The following NAALADL2 variants were observed in gnomAD, a reference collection of about 807,000 sequenced individuals.
The protein encoded by NAALADL2 is inactive N-acetylated-alpha-linked acidic dipeptidase-like protein 2.
In NAALADL2, 76 loss-of-function variants were observed where a neutral mutation model predicts 87.2. The ratio of observed to expected loss-of-function variants is 0.87; its 90% confidence interval spans 0.72 to 1.05. NAALADL2 has a LOEUF of 1.05. NAALADL2 is among the 50% of genes least tolerant of loss of function. The pLI, the probability that NAALADL2 is intolerant of heterozygous loss-of-function variation, is 0.00. For synonymous variants in NAALADL2, 354 were observed against 331.0 expected (o/e 1.07, Z -0.75); for missense variants, 1,089 against 945.8 (o/e 1.15, Z -1.99).
intron 5 of NAALADL2, among the ~76,000 whole-genome samples, chr3:175,431,315 A>T (rs1404510641): frequency 1.3e-5 from 2 of 152,104 alleles, no homozygotes; most frequent in Admixed American, 1.3e-4. Flanking sequence ...TTAAAAAAGC[A>T]GTAGCAGGAC....
At chr3:174,996,282 G>A (rs1210214254) in intron 1 of NAALADL2, among the ~76,000 whole-genome samples, 1 of 152,106 alleles carries the variant, frequency 6.6e-6, no homozygotes, top group Non-Finnish European at 1.5e-5. Context: ...CAGATCACGA[G>A]GTCAGGAGAT....
Position 175,447,274 on chromosome 3 carries a change from T to C in NAALADL2, c.1136T>C (p.Val379Ala), listed in dbSNP as rs1484997369. 5 of 1,607,240 alleles carry C rather than the reference T, an allele frequency of 3.1e-6. No homozygotes were observed. Among genetic ancestry groups the C allele is most frequent in the Admixed American group, 1.7e-5 (1 of 58,996 alleles). The change falls in exon 6 of 14, where the codon GTG becomes GCG. Residue 379 changes from valine to alanine, a missense_variant. By Grantham distance (64) the Val-to-Ala change is moderately conservative. Transcript: ENST00000454872. Reference sequence around the variant, plus strand: ...CGATCAAACCTCACCTCTCTATTAGTGCAGCCCATCTCTGCACCCCTCGTT... The same window carrying C: ...CGATCAAACCTCACCTCTCTATTAGCGCAGCCCATCTCTGCACCCCTCGTT... ...QSRSNLTSLL[V>A]QPISAPLVAK... is the part of the protein sequence containing the mutation.
At chr3:174,828,378 T>C (rs1722236123) in intron 3 of NAALADL2, among the ~76,000 whole-genome samples, 1 of 152,190 alleles carries the variant, frequency 6.6e-6, no homozygotes, top group African/African-American at 2.4e-5. Context: ...TTCAAATTCT[T>C]TTCTTATAAA....
chr3:174,945,773 C>T (rs1739313190), intron 1 of NAALADL2, among the ~76,000 whole-genome samples: 2 of 152,194 alleles, frequency 1.3e-5, no homozygotes, highest in South Asian at 2.1e-4. Flanking sequence ...AAGGGCTGGG[C>T]AAGGTGGCTC....
At chr3:174,885,437 A>G (rs1489319632) in intron 1 of NAALADL2, among the ~76,000 whole-genome samples, 1 of 152,132 alleles carries the variant, frequency 6.6e-6, no homozygotes, top group African/African-American at 2.4e-5. Context: ...CAGCTTCATT[A>G]TGTTCCTTGG....
intron 3 of NAALADL2, among the ~76,000 whole-genome samples, chr3:174,759,008 C>A (rs568042924): frequency 1.3e-5 from 2 of 152,264 alleles, no homozygotes; most frequent in South Asian, 4.1e-4. Flanking sequence ...TGCCAGCAAA[C>A]ATTCTATCTA....
At chr3:174,483,495 G>A (rs1008455398) in intron 1 of NAALADL2, among the ~76,000 whole-genome samples, 2 of 151,944 alleles carry the variant, frequency 1.3e-5, no homozygotes, top group Admixed American at 1.3e-4. Flanking sequence ...AGGATTATGG[G>A]GATTATGGGG....
Position 174,959,197 on chromosome 3 carries a change from G to A in NAALADL2, c.43+99747G>A, listed in dbSNP as rs374498026. ...CAGGCCAATTTTCAACTGCTTTTGC[G>A]GTAGCATATGTTTGTTTGGCACTCT... On this transcript the variant is annotated intron_variant, in intron 1 of 13. Coordinates refer to ENST00000454872, the MANE Select transcript of NAALADL2 (RefSeq NM_207015.3). Among the ~76,000 whole-genome samples the A allele has an allele frequency of 5.4e-4, 82 of 152,114 alleles. No homozygotes were observed. In the South Asian group the frequency reaches 0.012, roughly 23 times the overall value.
chr3:175,462,794 C>G (rs1263719467), intron 6 of NAALADL2, among the ~76,000 whole-genome samples: 2 of 151,928 alleles, frequency 1.3e-5, no homozygotes. Context: ...CAGAAAAATT[C>G]AAAAAGGTAG....
intron 11 of NAALADL2, among the ~76,000 whole-genome samples, chr3:175,733,521 A>G (rs913848292): frequency 2.6e-5 from 4 of 152,160 alleles, no homozygotes; most frequent in Non-Finnish European, 5.9e-5. Context: ...TGGGAGCTAC[A>G]AGATGAGATT....
At chr3:174,739,320 A>G (rs968150782) in intron 3 of NAALADL2, among the ~76,000 whole-genome samples, 2 of 152,112 alleles carry the variant, frequency 1.3e-5, no homozygotes, top group African/African-American at 4.8e-5. Context: ...GTATACTCTT[A>G]GAATCTTGTC....
intron 9 of NAALADL2, among the ~76,000 whole-genome samples, chr3:175,505,817 G>A (rs928944328): frequency 3.3e-5 from 5 of 152,170 alleles, no homozygotes; most frequent in African/African-American, 1.2e-4. Context: ...ACTATAAGAG[G>A]TGTAAGATAG....
intron 1 of NAALADL2, among the ~76,000 whole-genome samples, chr3:175,018,010 T>TA (rs1301917559): frequency 1.3e-5 from 2 of 152,012 alleles, no homozygotes; most frequent in Admixed American, 1.3e-4. Flanking sequence ...TAGGGTCGCA[T>TA]AAAACCTGTC....
chr3:174,573,897 T>C (rs1715218915), intron 2 of NAALADL2, among the ~76,000 whole-genome samples: 1 of 152,024 alleles, frequency 6.6e-6, no homozygotes, highest in African/African-American at 2.4e-5. Context: ...ATCTAAACCA[T>C]AGCACCCGCC....
At chr3:175,121,985 C>T (rs1044438242) in intron 2 of NAALADL2, among the ~76,000 whole-genome samples, 28 of 151,626 alleles carry the variant, frequency 1.8e-4, no homozygotes, top group African/African-American at 5.3e-4. Flanking sequence ...GCCACAATGG[C>T]GACACATTGT....
chr3:174,925,653 A>G (rs890821496), intron 1 of NAALADL2, among the ~76,000 whole-genome samples: 3 of 152,132 alleles, frequency 2.0e-5, no homozygotes, highest in Non-Finnish European at 2.9e-5. Flanking sequence ...GAATCTATAA[A>G]TTACCTTGGG....
At chr3:174,904,244 GT>G (rs1732702732) in intron 1 of NAALADL2, among the ~76,000 whole-genome samples, 1 of 151,766 alleles carries the variant, frequency 6.6e-6, no homozygotes, top group Non-Finnish European at 1.5e-5. Context: ...GTAAAGGTTT[GT>G]GTTGAATAAT....
In NAALADL2 at chr3:175,234,087, C is replaced by T. The variant is rs760979264; in HGVS notation, c.702C>T (p.Ser234=). The T allele has an allele frequency of 2.5e-6, 4 of 1,613,882 alleles. No individual in the cohort carries two copies. The highest frequency in any genetic ancestry group is 3.4e-6 in the Non-Finnish European group (4 of 1,179,826). ...CTTCTCCCAGCACTGTGACTCTGAG[C>T]AGCAGTGGTCAATGCTTTCATCCTA... ...PGPSPSTVTL[S]SSGQCFHPNG... Residue 234 remains serine (S), a synonymous_variant, in exon 3 of 14, where the codon AGC becomes AGT. Coordinates refer to ENST00000454872, the MANE Select transcript of NAALADL2 (RefSeq NM_207015.3).
chr3:175,509,001 A>G (rs1730756358), intron 9 of NAALADL2, among the ~76,000 whole-genome samples: 1 of 151,982 alleles, frequency 6.6e-6, no homozygotes, highest in Non-Finnish European at 1.5e-5. Flanking sequence ...CTGTAATCCC[A>G]GCTACTCAGG....
Sources: gnomAD v4.1 joint callset for allele counts (sites outside exome capture counted in the v4.1 genomes callset) on GRCh38, gnomAD v4.1.1 for gene constraint, MANE v1.5 for transcripts, NCBI Gene and HGNC (gene_info 2026-07-23, HGNC 2026-07-21) for gene names.